The following COP1 variants were observed in gnomAD, a reference collection of about 807,000 sequenced individuals.
The protein encoded by COP1 is E3 ubiquitin-protein ligase COP1.
In COP1, 24 loss-of-function variants were observed where a neutral mutation model predicts 101.3. The ratio of observed to expected loss-of-function variants is 0.24; its 90% CI spans 0.17 to 0.33. The LOEUF is 0.33. COP1 is among the 10% of genes least tolerant of loss of function. COP1 has a pLI of 1.00. For missense variants in COP1, 663 were observed against 906.2 expected (o/e 0.73, Z 3.45); for synonymous variants, 347 against 341.9 (o/e 1.01, Z -0.17).
At chr1:176,185,784 A>T (rs1379458809) in intron 1 of COP1, among the ~76,000 whole-genome samples, 1 of 152,196 alleles carries the variant, frequency 6.6e-6, no homozygotes, top group Non-Finnish European at 1.5e-5. Flanking sequence ...TTCACATTAC[A>T]TGAGAAGGTA....
At chr1:176,097,737 G>A (rs1308958771) in intron 9 of COP1, among the ~76,000 whole-genome samples, 1 of 151,696 alleles carries the variant, frequency 6.6e-6, no homozygotes, top group Non-Finnish European at 1.5e-5. Context: ...GGTGTGGTGG[G>A]ACATGCCTGT....
At chr1:175,988,740 G>C in intron 16 of COP1, 2 of 184,124 alleles carry the variant, frequency 1.1e-5, no homozygotes, top group East Asian at 2.7e-4. Context: ...GGCTGAGGCA[G>C]GAGAATCACT....
At chr1:175,974,726 CA>C (rs1654078304) in intron 18 of COP1, among the ~76,000 whole-genome samples, 1 of 151,712 alleles carries the variant, frequency 6.6e-6, no homozygotes, top group Non-Finnish European at 1.5e-5. Flanking sequence ...CAGCAGTCTT[CA>C]AACAGTTAAG....
intron 15 of COP1, among the ~76,000 whole-genome samples, chr1:176,011,534 A>T (rs1261732151): frequency 6.6e-6 from 1 of 152,192 alleles, no homozygotes; most frequent in Non-Finnish European, 1.5e-5. Flanking sequence ...TACTCCATAA[A>T]CCAGAGAGTA....
At chr1:176,053,929 A>G (rs1452533858) in intron 11 of COP1, among the ~76,000 whole-genome samples, 1 of 152,056 alleles carries the variant, frequency 6.6e-6, no homozygotes, top group East Asian at 1.9e-4. Context: ...CTCACTCTAC[A>G]TTTGAACTGG....
intron 6 of COP1, among the ~76,000 whole-genome samples, chr1:176,138,331 C>G (rs138694975): frequency 2.0e-4 from 31 of 152,196 alleles, no homozygotes; most frequent in African/African-American, 7.2e-4. Context: ...AAGGAAGAAG[C>G]AGCATTAACA....
chr1:175,947,675 G>A (rs1333370308), intron 18 of COP1, among the ~76,000 whole-genome samples: 1 of 152,092 alleles, frequency 6.6e-6, no homozygotes, highest in Non-Finnish European at 1.5e-5. Context: ...CAGTCGAAGA[G>A]ACAATTTTAA....
chr1:176,167,449 C>T (rs1695318175), intron 3 of COP1, among the ~76,000 whole-genome samples: 1 of 151,254 alleles, frequency 6.6e-6, no homozygotes. Flanking sequence ...TGAATGAAAT[C>T]TTGATGACAT....
At chr1:176,116,744 TA>T (rs1686252586) in intron 8 of COP1, 63 bp from the exon 9 acceptor site, 3 of 1,220,548 alleles carry the variant, frequency 2.5e-6, no homozygotes, top group Non-Finnish European at 3.6e-6. Flanking sequence ...ACAGAAAAAG[TA>T]AATCTAAAGT....
At chr1:175,978,933 C>T (rs948945274) in intron 18 of COP1, among the ~76,000 whole-genome samples, 1 of 151,912 alleles carries the variant, frequency 6.6e-6, no homozygotes, top group Admixed American at 6.6e-5. Flanking sequence ...TAAAAAAGAC[C>T]GTATCTTACT....
At position 176,141,987 on chromosome 1, in the gene COP1, C is replaced by T. The variant is rs116177844; in HGVS notation, c.832-5440G>A. ...GGCCCTCAAATGATCCTCCTACCTT[C>T]GCCAACGTGTTAGAATTACAGGCAT... On this transcript the variant is annotated intron_variant, in intron 6 of 19. Coordinates refer to ENST00000367669, the MANE Select transcript of COP1 (RefSeq NM_022457.7). Among the ~76,000 whole-genome samples the T allele has an allele frequency of 6.1e-3, 924 of 152,118 alleles. 12 individuals carry two copies. Among genetic ancestry groups the T allele is most frequent in the African/African-American group, 0.021 (883 of 41,498 alleles).
intron 15 of COP1, among the ~76,000 whole-genome samples, chr1:176,021,189 G>A (rs1450898468): frequency 6.6e-6 from 1 of 152,116 alleles, no homozygotes; most frequent in Non-Finnish European, 1.5e-5. Flanking sequence ...CTAATTACTA[G>A]GCATATTTAT....
intron 18 of COP1, among the ~76,000 whole-genome samples, chr1:175,967,186 C>T (rs1208205669): frequency 1.3e-5 from 2 of 152,150 alleles, no homozygotes; most frequent in Non-Finnish European, 2.9e-5. Context: ...GAACCACAAA[C>T]AAGGATCCTC....
intron 15 of COP1, among the ~76,000 whole-genome samples, chr1:176,026,080 A>G (rs1346084042): frequency 3.9e-5 from 6 of 152,112 alleles, no homozygotes; most frequent in Non-Finnish European, 1.5e-5. Flanking sequence ...GGAAAATTAA[A>G]TGAGAAAAAT....
intron 5 of COP1, among the ~76,000 whole-genome samples, chr1:176,157,700 A>T (rs191364063): frequency 1.4e-4 from 22 of 152,336 alleles, no homozygotes; most frequent in African/African-American, 5.1e-4. Context: ...AGGAATATAT[A>T]AAGGATTACA....
At chr1:176,096,433 T>C (rs926468452) in intron 9 of COP1, among the ~76,000 whole-genome samples, 3 of 152,164 alleles carry the variant, frequency 2.0e-5, no homozygotes, top group African/African-American at 7.2e-5. Context: ...GTCTGCCACA[T>C]GAGTGCAGTG....
chr1:176,008,511 A>C (rs1387607918), intron 15 of COP1, among the ~76,000 whole-genome samples: 1 of 152,148 alleles, frequency 6.6e-6, no homozygotes, highest in Non-Finnish European at 1.5e-5. Context: ...TATATTTGTC[A>C]TATTTTCCTT....
At chr1:176,005,171 T>C (rs1662808915) in intron 15 of COP1, among the ~76,000 whole-genome samples, 2 of 152,202 alleles carry the variant, frequency 1.3e-5, no homozygotes, top group Admixed American at 6.5e-5. Context: ...TGATGGTAGT[T>C]TGTATTTCTG....
chr1:176,036,195 T>G (rs1278787748), intron 14 of COP1, among the ~76,000 whole-genome samples: 1 of 151,866 alleles, frequency 6.6e-6, no homozygotes, highest in Non-Finnish European at 1.5e-5. Flanking sequence ...TAACAAAAAA[T>G]GTTCAGATTA....
Sources: gnomAD v4.1 joint callset for allele counts (sites outside exome capture counted in the v4.1 genomes callset) on GRCh38, gnomAD v4.1.1 for gene constraint, MANE v1.5 for transcripts, NCBI Gene and HGNC (gene_info 2026-07-23, HGNC 2026-07-21) for gene names.